Variants in PKNOX2 observed in about 807,000 individuals in gnomAD.
The protein encoded by PKNOX2 is homeobox protein PKNOX2.
PKNOX2 carries 14 observed loss-of-function variants against 53.1 expected under a neutral mutation model. The ratio of observed to expected loss-of-function variants is 0.26; its 90% CI spans 0.17 to 0.41. The LOEUF (loss-of-function observed/expected upper bound fraction) is 0.41. Ranked by LOEUF, PKNOX2 falls within the 10% of genes least tolerant of loss-of-function variation. The pLI, the probability that PKNOX2 is intolerant of heterozygous loss-of-function variation, is 1.00. For missense variants in PKNOX2, 496 were observed against 602.8 expected, an observed-to-expected ratio of 0.82 and a Z score of 1.85; for synonymous variants, 257 against 242.8, an observed-to-expected ratio of 1.06 and a Z score of -0.54.
chr11:125,293,143 G>A (rs915828105), intron 2 of PKNOX2, among the ~76,000 whole-genome samples: 3 of 152,048 alleles, frequency 2.0e-5, no homozygotes, highest in Non-Finnish European at 4.4e-5. Flanking sequence ...TCTGGGGGTG[G>A]GGTGGACGAA....
chr11:125,246,665 A>G lies in PKNOX2; in HGVS notation c.-130+11550A>G, dbSNP rs562204817. Reference sequence around the variant, plus strand: ...TTAGTTTCTCCATCTATTAAAGAATAATAATGATCTCACCCCACAGGATTG... The same window carrying G: ...TTAGTTTCTCCATCTATTAAAGAATGATAATGATCTCACCCCACAGGATTG... On this transcript the variant is annotated intron_variant, in intron 2 of 12. Coordinates refer to ENST00000298282, the MANE Select transcript of PKNOX2 (RefSeq NM_001382323.2). Among the ~76,000 whole-genome samples, 38 of 152,330 alleles carry G rather than the reference A, an allele frequency of 2.5e-4. No homozygotes were observed. The South Asian group carries it at 7.7e-3, about 31-fold the overall frequency.
intron 7 of PKNOX2, among the ~76,000 whole-genome samples, chr11:125,403,297 C>T (rs569103992): frequency 1.3e-5 from 2 of 152,142 alleles, no homozygotes; most frequent in East Asian, 1.9e-4. Context: ...TAGTGGTGGC[C>T]GACTGCTAAA....
At chr11:125,230,292 T>C (rs1198016355) in intron 1 of PKNOX2, among the ~76,000 whole-genome samples, 1 of 152,226 alleles carries the variant, frequency 6.6e-6, no homozygotes, top group Admixed American at 6.5e-5. Context: ...ACATAACTAT[T>C]GTGTCATTTA....
rs1954786236 is a variant in PKNOX2 at position 125,165,371 on chromosome 11, G to C, written c.-201+595G>C. Among the ~76,000 whole-genome samples the C allele has an allele frequency of 6.6e-6, 1 of 152,138 alleles. No homozygotes were observed. Among genetic ancestry groups the C allele is most frequent in the Non-Finnish European group, 1.5e-5 (1 of 68,010 alleles). On this transcript the variant is annotated intron_variant, in intron 1 of 12. Coordinates refer to ENST00000298282, the MANE Select transcript of PKNOX2 (RefSeq NM_001382323.2). This position sits in a 1 kb window ranked among gnomAD's most constrained non-coding sequence, Gnocchi z 4.5. ...AGGCTCCCGGCCGGGCGCTCCGCGG[G>C]GAGAGGCTGGGAACCGCGGGCAGGC... is the stretch of plus-strand genomic sequence containing the variant.
At chr11:125,245,992 G>C (rs916868829) in intron 2 of PKNOX2, among the ~76,000 whole-genome samples, 2 of 152,122 alleles carry the variant, frequency 1.3e-5, no homozygotes, top group Admixed American at 6.5e-5. Flanking sequence ...GGTGGAAAGG[G>C]GATAGGAGGC....
chr11:125,229,558 G>A (rs1212370345), intron 1 of PKNOX2, among the ~76,000 whole-genome samples: 1 of 152,202 alleles, frequency 6.6e-6, no homozygotes, highest in African/African-American at 2.4e-5. Flanking sequence ...AGTCGTGGAA[G>A]GGTACTAAAG....
chr11:125,227,586 T>C lies in PKNOX2; in HGVS notation c.-200-7459T>C, dbSNP rs112815371. Among the ~76,000 whole-genome samples the C allele has an allele frequency of 4.6e-3, 703 of 152,342 alleles. 9 individuals carry two copies. Among genetic ancestry groups the C allele is most frequent in the African/African-American group, 0.016 (657 of 41,572 alleles). On this transcript the variant is annotated intron_variant, in intron 1 of 12. Transcript: ENST00000298282. ...CTTCTTAAGGCTGAATCATATTCCA[T>C]TGGATGTAGACGTATGCATGCCACA... is the stretch of plus-strand genomic sequence containing the variant.
intron 2 of PKNOX2, among the ~76,000 whole-genome samples, chr11:125,285,903 T>A (rs913040120): frequency 2.6e-5 from 4 of 152,142 alleles, no homozygotes; most frequent in African/African-American, 9.7e-5. Flanking sequence ...AAATCCTGGG[T>A]GATGGTGTGC....
At chr11:125,339,011 G>C (rs149422787) in intron 3 of PKNOX2, among the ~76,000 whole-genome samples, 2 of 152,302 alleles carry the variant, frequency 1.3e-5, no homozygotes, top group African/African-American at 4.8e-5. Context: ...AGACTCTGCT[G>C]CTAATATGAA....
intron 3 of PKNOX2, among the ~76,000 whole-genome samples, chr11:125,335,233 T>C (rs1463623120): frequency 6.6e-6 from 1 of 152,216 alleles, no homozygotes; most frequent in African/African-American, 2.4e-5. Context: ...CTGAACTCCC[T>C]GTAGGATTCT....
At chr11:125,403,072 G>A (rs948728218) in intron 7 of PKNOX2, among the ~76,000 whole-genome samples, 11 of 152,176 alleles carry the variant, frequency 7.2e-5, no homozygotes, top group African/African-American at 2.2e-4. Context: ...AAGTCTGAAA[G>A]AAGGCGAGAA....
At chr11:125,257,510 G>A (rs920286859) in intron 2 of PKNOX2, among the ~76,000 whole-genome samples, 78 of 152,242 alleles carry the variant, frequency 5.1e-4, no homozygotes, top group African/African-American at 1.8e-3. Context: ...TACGGGCTTC[G>A]GAATCGAACA....
chr11:125,360,003 C>T (rs1040903756), intron 4 of PKNOX2, among the ~76,000 whole-genome samples: 1 of 152,116 alleles, frequency 6.6e-6, no homozygotes, highest in Non-Finnish European at 1.5e-5. Context: ...GGATTACAGG[C>T]GTGAGCCACC....
At chr11:125,412,045 AGCT>A (rs1348430614) in intron 10 of PKNOX2, among the ~76,000 whole-genome samples, 180 bp downstream of exon 10, 2 of 152,208 alleles carry the variant, frequency 1.3e-5, no homozygotes, top group Non-Finnish European at 2.9e-5. Context: ...TGGGGCCTAA[AGCT>A]GGAGACCTTC....
intron 2 of PKNOX2, among the ~76,000 whole-genome samples, chr11:125,325,261 G>A (rs1191285877): frequency 1.6e-4 from 25 of 152,168 alleles, no homozygotes; most frequent in Non-Finnish European, 8.8e-5. Flanking sequence ...TCATTTAATA[G>A]ATGCACGTTG....
chr11:125,317,365 T>C (rs995461222), intron 2 of PKNOX2, among the ~76,000 whole-genome samples: 3 of 152,196 alleles, frequency 2.0e-5, no homozygotes, highest in African/African-American at 7.2e-5. Context: ...TTCCAGAAAG[T>C]TTTTAATTTT....
chr11:125,201,457 G>A (rs1383796308), intron 1 of PKNOX2, among the ~76,000 whole-genome samples: 1 of 152,190 alleles, frequency 6.6e-6, no homozygotes, highest in East Asian at 1.9e-4. Flanking sequence ...CACAAGGAAT[G>A]GCCACAGAAG....
At chr11:125,345,413 C>T (rs1950916108) in intron 3 of PKNOX2, among the ~76,000 whole-genome samples, 1 of 152,114 alleles carries the variant, frequency 6.6e-6, no homozygotes, top group Admixed American at 6.5e-5. Flanking sequence ...CTTGTCACTG[C>T]TCAGTTCTCG....
intron 1 of PKNOX2, among the ~76,000 whole-genome samples, chr11:125,170,782 A>T (rs531929509): frequency 2.0e-5 from 3 of 151,244 alleles, no homozygotes; most frequent in South Asian, 4.2e-4. Flanking sequence ...TCCACCAAAC[A>T]GCTTCGTTCT....
Sources: gnomAD v4.1 joint callset for allele counts (sites outside exome capture counted in the v4.1 genomes callset) on GRCh38, gnomAD v4.1.1 for gene constraint, Gnocchi (gnomAD v3.1) non-coding constraint, MANE v1.5 for transcripts, NCBI Gene and HGNC (gene_info 2026-07-23, HGNC 2026-07-21) for gene names.